Variants in KCNC2 observed in about 807,000 individuals in gnomAD.
KCNC2 encodes the protein voltage-gated potassium channel KCNC2.
KCNC2 carries 21 observed loss-of-function variants against 44.5 expected under a neutral mutation model. That is an observed-to-expected ratio of 0.47 (90% confidence interval 0.33 to 0.68). The LOEUF (loss-of-function observed/expected upper bound fraction) is 0.68, where lower values mean the gene tolerates loss of function less well. Among genes scored for constraint, KCNC2 ranks in the 30% least tolerant of loss-of-function variants. The probability of loss-of-function intolerance (pLI) is 0.01; values close to 1 mark genes in which losing one functional copy is unlikely to be tolerated. For missense variants in KCNC2, 589 were observed against 826.2 expected, an observed-to-expected ratio of 0.71 and a Z score of 3.52; for synonymous variants, 391 against 339.1, an observed-to-expected ratio of 1.15 and a Z score of -1.68.
intron 2 of KCNC2, among the ~76,000 whole-genome samples, chr12:75,088,332 TGTAA>T (rs1418000807): frequency 6.6e-6 from 1 of 152,088 alleles, no homozygotes; most frequent in East Asian, 1.9e-4. Flanking sequence ...AGGCCATGCA[TGTAA>T]GTATTTAACT....
chr12:75,187,298 A>G (rs1263620129), intron 2 of KCNC2, among the ~76,000 whole-genome samples: 1 of 152,230 alleles, frequency 6.6e-6, no homozygotes, highest in Non-Finnish European at 1.5e-5. Context: ...CGAAGAACAC[A>G]TTTCTGCTCT....
At chr12:75,188,048 G>A (rs930618354) in intron 2 of KCNC2, among the ~76,000 whole-genome samples, 1 of 152,140 alleles carries the variant, frequency 6.6e-6, no homozygotes, top group African/African-American at 2.4e-5. Flanking sequence ...TTTGAAGTAT[G>A]TTGGTCCAAT....
intron 2 of KCNC2, among the ~76,000 whole-genome samples, chr12:75,103,048 A>G (rs1467278726): frequency 6.6e-6 from 1 of 152,116 alleles, no homozygotes; most frequent in Non-Finnish European, 1.5e-5. Context: ...AGATGTTAAG[A>G]GTAGATATTT....
chr12:75,193,968 G>T (rs2030535534), intron 2 of KCNC2, among the ~76,000 whole-genome samples: 1 of 151,906 alleles, frequency 6.6e-6, no homozygotes, highest in Non-Finnish European at 1.5e-5. Flanking sequence ...AGAATTTAAA[G>T]AATTTTCCAA....
intron 2 of KCNC2, among the ~76,000 whole-genome samples, chr12:75,075,846 C>A (rs183905060): frequency 1.6e-4 from 25 of 152,146 alleles, no homozygotes; most frequent in African/African-American, 6.0e-4. Context: ...TAGAATGGAC[C>A]TGAATAAATT....
intron 2 of KCNC2, among the ~76,000 whole-genome samples, chr12:75,194,298 C>T (rs76669787): frequency 0.03 from 4,526 of 152,058 alleles, 217 homozygotes; most frequent in African/African-American, 0.1. Context: ...GAGGGCAAGG[C>T]GAGGCCAGGG....
intron 3 of KCNC2, among the ~76,000 whole-genome samples, chr12:75,050,018 T>C (rs562323092): frequency 6.6e-6 from 1 of 152,006 alleles, no homozygotes; most frequent in Non-Finnish European, 1.5e-5. Context: ...CCAAACGATA[T>C]GGAGATCAAC....
At chr12:75,073,606 C>A (rs891041561) in intron 2 of KCNC2, among the ~76,000 whole-genome samples, 1 of 152,142 alleles carries the variant, frequency 6.6e-6, no homozygotes, top group Non-Finnish European at 1.5e-5. Context: ...AAAGACTGCA[C>A]TTAAGTTTAG....
At chr12:75,110,836 C>T (rs1592894065) in intron 2 of KCNC2, among the ~76,000 whole-genome samples, 1 of 151,900 alleles carries the variant, frequency 6.6e-6, no homozygotes, top group South Asian at 2.1e-4. Flanking sequence ...AAACAACTAC[C>T]TAATTGTCCT....
chr12:75,172,932 G>A (rs1275657098), intron 2 of KCNC2, among the ~76,000 whole-genome samples: 1 of 151,750 alleles, frequency 6.6e-6, no homozygotes, highest in East Asian at 1.9e-4. Flanking sequence ...TATAACCAGA[G>A]AGCCAGATAG....
At chr12:75,208,031 TA>T (rs1338786383) in intron 1 of KCNC2, 29 bp from the exon 2 acceptor site, 1 of 1,606,084 alleles carries the variant, frequency 6.2e-7, no homozygotes, top group Admixed American at 1.7e-5. Flanking sequence ...AGCGCCGAGT[TA>T]AAGATCTTAG....
At chr12:75,114,797 G>A (rs990624423) in intron 2 of KCNC2, among the ~76,000 whole-genome samples, 1 of 151,198 alleles carries the variant, frequency 6.6e-6, no homozygotes, top group Non-Finnish European at 1.5e-5. Context: ...AGAATACACG[G>A]AGTTATTTGT....
At position 75,089,467 on chromosome 12, in the gene KCNC2, G is replaced by C. The variant is rs537192057; in HGVS notation, c.688-38150C>G. Among the ~76,000 whole-genome samples, 23 of 151,822 alleles carry C rather than the reference G, an allele frequency of 1.5e-4. No homozygotes were observed. The South Asian group carries it at 3.3e-3, about 22-fold the overall frequency. On this transcript the variant is annotated intron_variant, in intron 2 of 4. Coordinates refer to ENST00000549446, the MANE Select transcript of KCNC2 (RefSeq NM_139137.4). Reference sequence around the variant, plus strand: ...TCTTTGAAAGATTATCTTGTCTACAGTGAAACCGGTTAAATAAAAATACAA... The same window carrying C: ...TCTTTGAAAGATTATCTTGTCTACACTGAAACCGGTTAAATAAAAATACAA...
At chr12:75,044,933 T>C (rs1410609266) in intron 4 of KCNC2, 1 of 151,970 alleles carries the variant, frequency 6.6e-6, no homozygotes, top group Non-Finnish European at 1.5e-5. Flanking sequence ...AGTGGGAGGA[T>C]ATCTGGAATA....
At chr12:75,171,429 T>C (rs891294364) in intron 2 of KCNC2, among the ~76,000 whole-genome samples, 1 of 151,892 alleles carries the variant, frequency 6.6e-6, no homozygotes, top group Non-Finnish European at 1.5e-5. Context: ...CAAGTCTTTG[T>C]AATTGCAAAT....
At chr12:75,154,999 T>C (rs988208443) in intron 2 of KCNC2, among the ~76,000 whole-genome samples, 1 of 151,916 alleles carries the variant, frequency 6.6e-6, no homozygotes. Context: ...TTTACTGATA[T>C]ACTGTGCTAC....
At chr12:75,162,784 C>A (rs1891205247) in intron 2 of KCNC2, among the ~76,000 whole-genome samples, 1 of 151,688 alleles carries the variant, frequency 6.6e-6, no homozygotes, top group Non-Finnish European at 1.5e-5. Flanking sequence ...GTAACTTAAC[C>A]CCTCTCCCTA....
chr12:75,101,896 C>T (rs532430922), intron 2 of KCNC2, among the ~76,000 whole-genome samples: 2 of 152,030 alleles, frequency 1.3e-5, no homozygotes, highest in South Asian at 2.1e-4. Context: ...ATTTAGATCA[C>T]CAAATCATCA....
chr12:75,106,794 T>G (rs1592884042), intron 2 of KCNC2, among the ~76,000 whole-genome samples: 1 of 152,192 alleles, frequency 6.6e-6, no homozygotes, highest in Non-Finnish European at 1.5e-5. Flanking sequence ...ATCCCTATAC[T>G]ACTATGGAGA....
Sources: allele counts gnomAD v4.1 joint callset (sites outside exome capture counted in the v4.1 genomes callset), GRCh38; gene constraint gnomAD v4.1.1; transcripts MANE v1.5; gene names NCBI Gene and HGNC (gene_info 2026-07-23, HGNC 2026-07-21).